Variants in R3HDM2 observed in about 807,000 individuals in gnomAD.
R3HDM2 encodes R3H domain-containing protein 2.
A neutral mutation model predicts 124.5 loss-of-function variants in R3HDM2; 38 were observed. The ratio of observed to expected loss-of-function variants is 0.31; its 90% CI spans 0.24 to 0.40. R3HDM2 has a LOEUF of 0.40. R3HDM2 is among the 10% of genes least tolerant of loss of function. The pLI, the probability that R3HDM2 is intolerant of heterozygous loss-of-function variation, is 1.00. For synonymous variants in R3HDM2, 391 were observed against 448.0 expected (o/e 0.87, Z 1.61); for missense variants, 869 against 1,236.9 (o/e 0.70, Z 4.46).
At chr12:57,393,118 T>C (rs2066971964) in intron 2 of R3HDM2, among the ~76,000 whole-genome samples, 3 of 147,660 alleles carry the variant, frequency 2.0e-5, no homozygotes, top group African/African-American at 7.6e-5. Flanking sequence ...TTTTTTTTTT[T>C]CTTCAGAAGG....
chr12:57,323,454 C>T (rs2056787495), intron 2 of R3HDM2, among the ~76,000 whole-genome samples: 1 of 152,172 alleles, frequency 6.6e-6, no homozygotes, highest in Non-Finnish European at 1.5e-5. Context: ...TCATAGGCTT[C>T]ATTAGTACTG....
chr12:57,430,612 G>A (rs1594714411), intron 1 of R3HDM2, 108 bp downstream of exon 1: 1 of 984,398 alleles, frequency 1.0e-6, no homozygotes, highest in Non-Finnish European at 1.2e-6. Context: ...TGCCGGGCGC[G>A]AGGAACCCAG....
intron 2 of R3HDM2, among the ~76,000 whole-genome samples, chr12:57,330,098 C>T (rs1389495660): frequency 6.6e-6 from 1 of 152,036 alleles, no homozygotes; most frequent in Non-Finnish European, 1.5e-5. Context: ...TCCCGAGTAG[C>T]TGGGATTACA....
rs534950329 is a variant in R3HDM2 at position 57,276,022 on chromosome 12, C to T, written c.1344+4336G>A. 1.1e-4 allele frequency among the ~76,000 whole-genome samples: 16 copies of T among 152,066 alleles called. 1 individual carries two copies. The South Asian group carries it at 3.3e-3, about 32-fold the overall frequency. On this transcript the variant is annotated intron_variant, in intron 14 of 23. Transcript: ENST00000402412. Reference sequence around the variant, plus strand: ...CATGAGGTCAGAAGATCGAGACCATCCTGGCTAACATGGTGAAACCCCGTC... The same window carrying T: ...CATGAGGTCAGAAGATCGAGACCATTCTGGCTAACATGGTGAAACCCCGTC...
At chr12:57,344,962 G>A (rs995461144) in intron 2 of R3HDM2, among the ~76,000 whole-genome samples, 2 of 151,972 alleles carry the variant, frequency 1.3e-5, no homozygotes, top group African/African-American at 4.8e-5. Context: ...AGCCTCCAGA[G>A]TAGCTGGGAT....
chr12:57,395,065 CT>C (rs2067287027), intron 2 of R3HDM2, among the ~76,000 whole-genome samples: 2 of 151,698 alleles, frequency 1.3e-5, no homozygotes, highest in Non-Finnish European at 2.9e-5. Flanking sequence ...AAAAAATTAG[CT>C]GGGCATGGTG....
intron 1 of R3HDM2, among the ~76,000 whole-genome samples, 157 bp from the exon 2 acceptor site, chr12:57,395,975 C>T (rs892729071): frequency 1.7e-4 from 26 of 152,138 alleles, no homozygotes; most frequent in Non-Finnish European, 2.1e-4. Flanking sequence ...CTGCCCTGAA[C>T]CCTCTATATC....
intron 2 of R3HDM2, among the ~76,000 whole-genome samples, chr12:57,387,402 A>G (rs1180339315): frequency 6.6e-6 from 1 of 152,068 alleles, no homozygotes; most frequent in East Asian, 1.9e-4. Context: ...CTCCAGACAC[A>G]CCGCCTTTAA....
intron 2 of R3HDM2, among the ~76,000 whole-genome samples, chr12:57,361,048 CA>C (rs35437591): frequency 0.22 from 13,039 of 58,708 alleles, 312 homozygotes; most frequent in South Asian, 0.33. Context: ...AGACACGTCT[CA>C]AAAAAAAAAA....
intron 2 of R3HDM2, among the ~76,000 whole-genome samples, chr12:57,367,809 G>C (rs1217887203): frequency 6.6e-6 from 1 of 152,048 alleles, no homozygotes; most frequent in East Asian, 1.9e-4. Context: ...CCTCCACTGA[G>C]TTTCTTTCAA....
At chr12:57,399,019 A>G (rs908686054) in intron 1 of R3HDM2, among the ~76,000 whole-genome samples, 11 of 152,222 alleles carry the variant, frequency 7.2e-5, no homozygotes, top group African/African-American at 2.7e-4. Context: ...CACTGCTGAT[A>G]AGACTTCTAT....
intron 14 of R3HDM2, among the ~76,000 whole-genome samples, chr12:57,278,390 C>T (rs773497617): frequency 9.9e-5 from 15 of 152,068 alleles, no homozygotes; most frequent in Non-Finnish European, 1.6e-4. Flanking sequence ...CCACTCTTGC[C>T]GTCTCGTCTG....
chr12:57,263,126 T>C (rs1457169275), intron 19 of R3HDM2, among the ~76,000 whole-genome samples: 3 of 152,224 alleles, frequency 2.0e-5, no homozygotes, highest in Admixed American at 2.0e-4. Flanking sequence ...TTCTTTTCAC[T>C]TGATTTGTTT....
chr12:57,323,532 T>G (rs888111754), intron 2 of R3HDM2, among the ~76,000 whole-genome samples: 1 of 152,242 alleles, frequency 6.6e-6, no homozygotes, highest in Non-Finnish European at 1.5e-5. Flanking sequence ...AAAATCATTC[T>G]GTTCTGTAAC....
Position 57,373,135 on chromosome 12 carries a change from G to C in R3HDM2, c.-36+22614C>G, listed in dbSNP as rs189019398. Among the ~76,000 whole-genome samples the C allele has an allele frequency of 7.2e-5, 11 of 152,352 alleles. No homozygotes were observed. In the East Asian group the frequency reaches 1.7e-3, roughly 24 times the overall value. On this transcript the variant is annotated intron_variant, in intron 2 of 23. Coordinates refer to ENST00000402412, the MANE Select transcript of R3HDM2 (RefSeq NM_001394031.1). The stretch of plus-strand genomic sequence containing the variant: ...GAGAATCACTTGAGCCAAGGAGTTT[G>C]AGGCTGCAGTAAGCTATGACTGTGC...
intron 12 of R3HDM2, among the ~76,000 whole-genome samples, chr12:57,287,903 G>A (rs2047702672): frequency 6.6e-6 from 1 of 152,104 alleles, no homozygotes; most frequent in South Asian, 2.1e-4. Flanking sequence ...GGAGGACACT[G>A]GGAACTGGGG....
In R3HDM2 at chr12:57,297,327, CTTG is replaced by C; in HGVS notation, c.558_560del (p.Asn188del). The stretch of plus-strand genomic sequence containing the variant: ...TTATATATTTCATGCAAGTAACTTA[CTTG>C]TTGTCATTAATAAATTCCAGAATCT... On this transcript the variant is annotated inframe_deletion and splice_region_variant, in exon 8 of 24. Transcript: ENST00000402412. 2.0e-6 allele frequency: 3 copies of C among 1,476,014 alleles called. No individual in the cohort carries two copies. Among genetic ancestry groups the C allele is most frequent in the South Asian group, 2.5e-5 (2 of 81,356 alleles). The allele number at this position is 1,476,014 out of a possible 1,614,324, so 91.4% of individuals were successfully genotyped here. A position where few individuals can be genotyped will look rare whatever the true frequency, so the allele number is the denominator to read the frequency against.
At chr12:57,324,818 A>G (rs1593282494) in intron 2 of R3HDM2, among the ~76,000 whole-genome samples, 2 of 152,328 alleles carry the variant, frequency 1.3e-5, no homozygotes, top group East Asian at 1.9e-4. Flanking sequence ...TTCCCGTGTT[A>G]AAGTCCTTAC....
chr12:57,295,613 G>C (rs769992094), intron 9 of R3HDM2, 106 bp from the exon 10 acceptor site: 3 of 730,084 alleles, frequency 4.1e-6, no homozygotes, highest in Non-Finnish European at 6.8e-6. Flanking sequence ...TCACACTCAG[G>C]GAATTTCTGG....
Sources: allele counts gnomAD v4.1 joint callset (sites outside exome capture counted in the v4.1 genomes callset), GRCh38; gene constraint gnomAD v4.1.1; transcripts MANE v1.5; gene names NCBI Gene and HGNC (gene_info 2026-07-23, HGNC 2026-07-21).